Variants in LAMC3 observed in about 807,000 individuals in gnomAD.
The protein encoded by LAMC3 is laminin subunit gamma 3.
A neutral mutation model predicts 173.8 loss-of-function variants in LAMC3; 128 were observed. The ratio of observed to expected loss-of-function variants is 0.74; its 90% CI spans 0.64 to 0.85. The LOEUF (loss-of-function observed/expected upper bound fraction) is 0.85. Among genes scored for constraint, LAMC3 ranks in the 40% least tolerant of loss-of-function variants. The pLI, the probability that LAMC3 is intolerant of heterozygous loss-of-function variation, is 0.00. For missense variants in LAMC3, 2,022 were observed against 2,156.0 expected, an observed-to-expected ratio of 0.94 and a Z score of 1.23; for synonymous variants, 897 against 909.1, an observed-to-expected ratio of 0.99 and a Z score of 0.24.
At chr9:131,055,114 G>T (rs996729133) in intron 11 of LAMC3, among the ~76,000 whole-genome samples, 6 of 152,082 alleles carry the variant, frequency 3.9e-5, no homozygotes, top group African/African-American at 1.4e-4. Flanking sequence ...GAAAGGTCTT[G>T]GTATTCCAGT....
chr9:131,032,487 G>GCTCTCGCTCTCTCTCACTCGCTCTCTCT (rs1467712153), intron 3 of LAMC3, among the ~76,000 whole-genome samples: 2 of 116,034 alleles, frequency 1.7e-5, no homozygotes, highest in Non-Finnish European at 3.9e-5. Context: ...TCTTTCTCTC[G>GCTCTCGCTCTCTCTCACTCGCTCTCTCT]CTCTCGCTCT....
intron 9 of LAMC3, among the ~76,000 whole-genome samples, chr9:131,049,684 A>G (rs1274256546): frequency 6.6e-6 from 1 of 152,142 alleles, no homozygotes. Flanking sequence ...TAGCTTTGTC[A>G]TGGAGGGCTT....
chr9:131,013,417 G>A (rs1413134317), intron 1 of LAMC3, among the ~76,000 whole-genome samples: 1 of 152,156 alleles, frequency 6.6e-6, no homozygotes, highest in African/African-American at 2.4e-5. Flanking sequence ...GATGAGTTCT[G>A]CCCTCCCTCC....
At chr9:131,082,227 C>A in intron 24 of LAMC3, 66 bp downstream of exon 24, 3 of 1,209,282 alleles carry the variant, frequency 2.5e-6, no homozygotes, top group South Asian at 2.6e-5. Flanking sequence ...ACTCACCTCT[C>A]GCCTCAGCCA....
intron 8 of LAMC3, among the ~76,000 whole-genome samples, chr9:131,047,708 C>A (rs1834197242): frequency 6.7e-6 from 1 of 149,974 alleles, no homozygotes; most frequent in Non-Finnish European, 1.5e-5. Flanking sequence ...GCTAAAAATA[C>A]AAAAATTAGC....
chr9:131,072,938 T>A (rs1830062320), intron 19 of LAMC3, 103 bp downstream of exon 19: 1 of 1,064,314 alleles, frequency 9.4e-7, no homozygotes, highest in African/African-American at 1.6e-5. Context: ...CTCCCCACTT[T>A]GGGAGGCTTA....
At chr9:131,024,190 G>C (rs939191610) in intron 1 of LAMC3, among the ~76,000 whole-genome samples, 22 of 142,540 alleles carry the variant, frequency 1.5e-4, no homozygotes, top group African/African-American at 6.0e-4. Flanking sequence ...CTGTCACCCA[G>C]GCTGGAGTGC....
In LAMC3 at chr9:131,020,105, C is replaced by A. The variant is rs146931412; in HGVS notation, c.374-6180C>A. 5.3e-3 allele frequency among the ~76,000 whole-genome samples: 811 copies of A among 152,252 alleles called. 9 individuals carry two copies. Among genetic ancestry groups the A allele is most frequent in the African/African-American group, 0.018 (758 of 41,548 alleles). On this transcript the variant is annotated intron_variant, in intron 1 of 27. Transcript: ENST00000361069. ...AGCCCTATAATTGGAGCCATCTGGG[C>A]AGCAGTGGCCTAGGGAGTGGGGCGG...
chr9:131,088,306 C>G (rs927393124), intron 27 of LAMC3, among the ~76,000 whole-genome samples: 1 of 152,184 alleles, frequency 6.6e-6, no homozygotes, highest in Non-Finnish European at 1.5e-5. Context: ...CTCTGAGCCT[C>G]AGATCCCCCA....
intron 8 of LAMC3, among the ~76,000 whole-genome samples, chr9:131,048,205 T>A (rs1834212192): frequency 6.6e-6 from 1 of 151,858 alleles, no homozygotes; most frequent in African/African-American, 2.4e-5. Context: ...TATAGGCAGC[T>A]GCTACCATGC....
intron 13 of LAMC3, among the ~76,000 whole-genome samples, chr9:131,066,082 C>G (rs968725064): frequency 3.3e-5 from 5 of 152,138 alleles, no homozygotes; most frequent in African/African-American, 1.2e-4. Context: ...GTAGTCCCAG[C>G]TACTTGGGAG....
chr9:131,091,041 C>A (rs995662079), intron 27 of LAMC3, among the ~76,000 whole-genome samples: 2 of 152,114 alleles, frequency 1.3e-5, no homozygotes, highest in African/African-American at 4.8e-5. Context: ...TAAATGCATC[C>A]ATCCATCCAT....
chr9:131,067,073 G>A lies in LAMC3; in HGVS notation c.2461G>A (p.Val821Met), dbSNP rs764115057. The change falls in exon 14 of 28, where the codon GTG becomes ATG. Residue 821 changes from valine to methionine, a missense_variant. Coordinates refer to ENST00000361069, the MANE Select transcript of LAMC3 (RefSeq NM_006059.4). ...TAGCGGGAACGTGGACCCCAATGCC[G>A]TGGGCAACTGTGACCCCCTGTCTGG... ...QCSGNVDPNA[V>M]GNCDPLSGHC... is the part of the protein sequence containing the mutation. 49 of 1,613,996 alleles carry A rather than the reference G, an allele frequency of 3.0e-5. No individual in the cohort carries two copies. Among genetic ancestry groups the A allele is most frequent in the Non-Finnish European group, 3.6e-5 (43 of 1,180,032 alleles).
intron 20 of LAMC3, among the ~76,000 whole-genome samples, chr9:131,075,446 C>T (rs993004067): frequency 1.3e-5 from 2 of 151,886 alleles, no homozygotes; most frequent in Non-Finnish European, 2.9e-5. Flanking sequence ...CACTTGTAAT[C>T]CCAGCTACTC....
Position 131,087,776 on chromosome 9 carries a change from A to G in LAMC3, c.4436A>G (p.Glu1479Gly), listed in dbSNP as rs1830358114. Reference sequence around the variant, plus strand: ...ATCCGGGAATCGCGTATCTCACTGGAGAAGGACATCGAGACCTTGTCAGAG... The same window carrying G: ...ATCCGGGAATCGCGTATCTCACTGGGGAAGGACATCGAGACCTTGTCAGAG... ...QQIRESRISLEKDIETLSELL... is the reference protein window; with the variant it reads ...QQIRESRISLGKDIETLSELL... Residue 1479 changes from glutamate to glycine, a missense_variant, in exon 27 of 28, where the codon GAG becomes GGG. Transcript: ENST00000361069. 1 of 1,613,978 alleles carries G rather than the reference A, an allele frequency of 6.2e-7. No homozygotes were observed. The highest frequency in any genetic ancestry group is 8.5e-7 in the Non-Finnish European group (1 of 1,180,024).
chr9:131,089,860 T>G (rs1344237591), intron 27 of LAMC3, among the ~76,000 whole-genome samples: 1 of 152,242 alleles, frequency 6.6e-6, no homozygotes, highest in Non-Finnish European at 1.5e-5. Context: ...CACGTGATCT[T>G]ACAGAATTCT....
intron 11 of LAMC3, among the ~76,000 whole-genome samples, chr9:131,055,706 C>T (rs927561952): frequency 2.0e-5 from 3 of 151,612 alleles, no homozygotes; most frequent in South Asian, 2.1e-4. Context: ...ATTACAGGCT[C>T]GAGCCACCGC....
chr9:131,045,234 AAACAAC>A (rs1199156085), intron 7 of LAMC3, among the ~76,000 whole-genome samples: 4 of 90,434 alleles, frequency 4.4e-5, no homozygotes, highest in African/African-American at 1.5e-4. Flanking sequence ...AAAAAAAAAA[AAACAAC>A]AACAACAAAA....
Position 131,087,159 on chromosome 9 carries a change from G to A in LAMC3, c.4231-317G>A, listed in dbSNP as rs563537482. 2.0e-5 allele frequency among the ~76,000 whole-genome samples: 3 copies of A among 152,350 alleles called. No individual in the cohort carries two copies. The South Asian group carries it at 6.2e-4, about 32-fold the overall frequency. On this transcript the variant is annotated intron_variant, in intron 25 of 27. Coordinates refer to ENST00000361069, the MANE Select transcript of LAMC3 (RefSeq NM_006059.4). ...TTATGGTGCCTAGGAAAAGTGCTGG[G>A]TTTGCAGTAGGGGTCCCCGGGCTTG...
Sources: gnomAD v4.1 joint callset for allele counts (sites outside exome capture counted in the v4.1 genomes callset) on GRCh38, gnomAD v4.1.1 for gene constraint, MANE v1.5 for transcripts, NCBI Gene and HGNC (gene_info 2026-07-23, HGNC 2026-07-21) for gene names.